The following IL34 variants were observed in gnomAD, a reference collection of about 807,000 sequenced individuals.
The protein encoded by IL34 is interleukin 34.
Under a neutral mutation model 25.3 loss-of-function variants are expected in IL34, and 17 were observed. The ratio of observed to expected loss-of-function variants is 0.67; its 90% confidence interval spans 0.46 to 1.01. IL34 has a LOEUF of 1.01. Among genes scored for constraint, IL34 ranks in the 50% least tolerant of loss-of-function variants. The pLI, the probability that IL34 is intolerant of heterozygous loss-of-function variation, is 0.00. For synonymous variants in IL34, 174 were observed against 140.9 expected, an observed-to-expected ratio of 1.23 and a Z score of -1.66; for missense variants, 368 against 312.9, an observed-to-expected ratio of 1.18 and a Z score of -1.33.
intron 4 of IL34, among the ~76,000 whole-genome samples, chr16:70,658,056 C>A (rs1484653833): frequency 6.6e-6 from 1 of 152,164 alleles, no homozygotes; most frequent in Non-Finnish European, 1.5e-5. Context: ...GGGACCTCTC[C>A]CCGTCTCCAC....
upstream of IL34, among the ~76,000 whole-genome samples, chr16:70,646,239 T>C (rs1038002757): frequency 6.6e-6 from 1 of 152,096 alleles, no homozygotes; most frequent in African/African-American, 2.4e-5. Context: ...CGTCTGCTTT[T>C]TTAACCTGTC....
chr16:70,646,642 C>T lies in IL34; in HGVS notation c.-306C>T, dbSNP rs1250649811. Reference sequence around the variant, plus strand: ...AGGGGCCTGCCAGGGACTCTCTCCTCCTGCTCCTTGGAAAGGAAGACCCCG... The same window carrying T: ...AGGGGCCTGCCAGGGACTCTCTCCTTCTGCTCCTTGGAAAGGAAGACCCCG... On this transcript the variant is annotated 5_prime_UTR_variant, in exon 1 of 6. Coordinates refer to ENST00000288098, the MANE Select transcript of IL34 (RefSeq NM_001393494.1). The T allele has an allele frequency of 2.4e-6, 1 of 414,176 alleles. No individual in the cohort carries two copies. Among genetic ancestry groups the T allele is most frequent in the Non-Finnish European group, 4.2e-6 (1 of 235,630 alleles). 25.7% of individuals were successfully genotyped at this position (414,176 alleles called of 1,614,324 possible).
intron 1 of IL34, among the ~76,000 whole-genome samples, chr16:70,582,546 T>C (rs921478639): frequency 1.3e-5 from 2 of 152,208 alleles, no homozygotes; most frequent in African/African-American, 4.8e-5. Context: ...ATTTGCAGAA[T>C]GGATGTGTTA....
intron 1 of IL34, among the ~76,000 whole-genome samples, chr16:70,610,328 T>C (rs1040679410): frequency 2.0e-5 from 3 of 152,072 alleles, no homozygotes; most frequent in African/African-American, 7.2e-5. Context: ...CCCATCCTAG[T>C]CTTGTGCCTG....
intron 1 of IL34, among the ~76,000 whole-genome samples, chr16:70,610,198 T>C (rs2051070309): frequency 7.0e-6 from 1 of 143,392 alleles, no homozygotes; most frequent in African/African-American, 2.7e-5. Context: ...CGAGACTCTA[T>C]CTCAGAAAAA....
chr16:70,638,734 A>G (rs2051713602), intron 1 of IL34, among the ~76,000 whole-genome samples: 1 of 152,052 alleles, frequency 6.6e-6, no homozygotes, highest in Admixed American at 6.6e-5. Flanking sequence ...GTATGCCACC[A>G]CATCTAGCTA....
chr16:70,587,215 A>G (rs1334624698), intron 1 of IL34, among the ~76,000 whole-genome samples: 1 of 151,710 alleles, frequency 6.6e-6, no homozygotes, highest in Non-Finnish European at 1.5e-5. Context: ...TGACACAGCG[A>G]GGATTTGTGG....
At chr16:70,607,258 C>T (rs1418205753) in intron 1 of IL34, among the ~76,000 whole-genome samples, 1 of 152,134 alleles carries the variant, frequency 6.6e-6, no homozygotes, top group Non-Finnish European at 1.5e-5. Flanking sequence ...CCCACCACCA[C>T]ACCCAGCTAA....
At chr16:70,626,459 C>G (rs1393362920) in intron 1 of IL34, among the ~76,000 whole-genome samples, 1 of 152,064 alleles carries the variant, frequency 6.6e-6, no homozygotes, top group Admixed American at 6.5e-5. Flanking sequence ...TGGAATGGTG[C>G]AATCCTGGCT....
intron 1 of IL34, among the ~76,000 whole-genome samples, chr16:70,637,951 TTTTTG>T (rs1296820154): frequency 3.3e-5 from 5 of 152,186 alleles, no homozygotes; most frequent in South Asian, 2.1e-4. Context: ...TTTCCAGGTT[TTTTTG>T]TTTTGTTTTG....
At position 70,602,328 on chromosome 16, in the gene IL34, T is replaced by A. The variant is rs576328157; in HGVS notation, c.-401+22279T>A. Among the ~76,000 whole-genome samples, 8 of 152,328 alleles carry A rather than the reference T, an allele frequency of 5.3e-5. No individual in the cohort carries two copies. In the East Asian group the frequency reaches 1.5e-3, roughly 29 times the overall value. On this transcript the variant is annotated intron_variant, in intron 1 of 6. Coordinates refer to the IL34 transcript ENST00000429149. The stretch of plus-strand genomic sequence containing the variant: ...TCCCCAACTTGCCAGCTGCGTGGCT[T>A]TAAGAAAAGTTGCCAAACTTTCTGA...
At chr16:70,624,888 G>T (rs991129888) in intron 1 of IL34, among the ~76,000 whole-genome samples, 1 of 151,804 alleles carries the variant, frequency 6.6e-6, no homozygotes, top group Non-Finnish European at 1.5e-5. Context: ...ACTCAGTGAC[G>T]CTTGGGGTTG....
chr16:70,634,329 A>G (rs1269299643), intron 1 of IL34, among the ~76,000 whole-genome samples: 1 of 152,146 alleles, frequency 6.6e-6, no homozygotes, highest in Non-Finnish European at 1.5e-5. Context: ...CAGTACAGAT[A>G]TGTTTTATTG....
intron 1 of IL34, among the ~76,000 whole-genome samples, chr16:70,588,354 C>T (rs920748394): frequency 5.3e-5 from 8 of 151,324 alleles, no homozygotes; most frequent in Non-Finnish European, 2.9e-5. Context: ...ATTAGCCAGG[C>T]GTGGTGGCAC....
intron 1 of IL34, among the ~76,000 whole-genome samples, chr16:70,609,114 G>A (rs576112187): frequency 2.6e-5 from 4 of 151,720 alleles, no homozygotes; most frequent in African/African-American, 4.8e-5. Flanking sequence ...ATCTTGCTCC[G>A]TCGCCCAGGC....
At chr16:70,599,365 T>TTCTTTCTTTCTTCTTCTCTCTC (rs2050881043) in intron 1 of IL34, among the ~76,000 whole-genome samples, 1 of 146,694 alleles carries the variant, frequency 6.8e-6, no homozygotes, top group African/African-American at 2.5e-5. Context: ...CTCTTTCTCT[T>TTCTTTCTTTCTTCTTCTCTCTC]TCTTTCTTTC....
chr16:70,625,403 T>TG (rs2051370025), intron 1 of IL34, among the ~76,000 whole-genome samples: 1 of 151,856 alleles, frequency 6.6e-6, no homozygotes, highest in Non-Finnish European at 1.5e-5. Context: ...AATAAGGGAT[T>TG]GGGGGTTCTT....
chr16:70,615,109 C>T (rs891506992), intron 1 of IL34, among the ~76,000 whole-genome samples: 4 of 152,296 alleles, frequency 2.6e-5, no homozygotes, highest in South Asian at 2.1e-4. Flanking sequence ...CTGTTACCCC[C>T]CAAATCTCTG....
chr16:70,636,587 AC>A (rs2051651985), intron 1 of IL34, among the ~76,000 whole-genome samples: 4 of 6,316 alleles, frequency 6.3e-4, no homozygotes, highest in Non-Finnish European at 1.9e-3. Context: ...AAACCCTGTC[AC>A]ACACACACAC....
Sources: gnomAD v4.1 joint callset for allele counts (sites outside exome capture counted in the v4.1 genomes callset) on GRCh38, gnomAD v4.1.1 for gene constraint, MANE v1.5 for transcripts, NCBI Gene and HGNC (gene_info 2026-07-23, HGNC 2026-07-21) for gene names.